Variants in SUGCT observed in about 807,000 individuals in gnomAD.
SUGCT encodes the protein succinyl-CoA:glutarate-CoA transferase, also known as succinyl-CoA:glutarate CoA-transferase.
A neutral mutation model predicts 55.0 loss-of-function variants in SUGCT; 41 were observed. The observed-to-expected ratio is 0.74, with a 90% CI of 0.58 to 0.97. The LOEUF (loss-of-function observed/expected upper bound fraction) is 0.97. Ranked by LOEUF, SUGCT falls within the 50% of genes least tolerant of loss-of-function variation. The pLI is 0.00. For synonymous variants in SUGCT, 187 were observed against 200.4 expected (o/e 0.93, Z 0.56); for missense variants, 568 against 547.8 (o/e 1.04, Z -0.37).
intron 3 of SUGCT, among the ~76,000 whole-genome samples, chr7:40,182,909 A>G (rs997554240): frequency 6.6e-6 from 1 of 152,124 alleles, no homozygotes; most frequent in African/African-American, 2.4e-5. Context: ...AGGCCAGGAG[A>G]AAGGAGGATA....
At chr7:40,811,961 GT>G (rs1172378239) in intron 13 of SUGCT, among the ~76,000 whole-genome samples, 1 of 152,028 alleles carries the variant, frequency 6.6e-6, no homozygotes, top group Non-Finnish European at 1.5e-5. Flanking sequence ...TTTCTTGAGG[GT>G]TTTTGTCATG....
chr7:40,962,954 T>G, the SUGCT span, among the ~76,000 whole-genome samples: 1 of 152,108 alleles, frequency 6.6e-6, no homozygotes, highest in Non-Finnish European at 1.5e-5. Context: ...TCCAGCTTCC[T>G]CCCCTTATAA....
At chr7:40,335,548 TTGTC>T (rs1485710717) in intron 9 of SUGCT, among the ~76,000 whole-genome samples, 2 of 152,098 alleles carry the variant, frequency 1.3e-5, no homozygotes, top group African/African-American at 2.4e-5. Flanking sequence ...GGCTCTCTGT[TTGTC>T]TGTTATTGGT....
chr7:40,669,875 A>T (rs1452136013), intron 12 of SUGCT, among the ~76,000 whole-genome samples: 1 of 152,034 alleles, frequency 6.6e-6, no homozygotes, highest in Non-Finnish European at 1.5e-5. Flanking sequence ...TGGAAAAAGT[A>T]CTAGAAAAAA....
intron 9 of SUGCT, among the ~76,000 whole-genome samples, chr7:40,339,523 A>C (rs757276736): frequency 9.9e-5 from 15 of 152,170 alleles, no homozygotes; most frequent in Non-Finnish European, 1.6e-4. Context: ...GTGAGGCTCC[A>C]TGGGCGTGGG....
At chr7:40,874,709 T>G in the SUGCT span, among the ~76,000 whole-genome samples, 1 of 152,186 alleles carries the variant, frequency 6.6e-6, no homozygotes, top group Non-Finnish European at 1.5e-5. Flanking sequence ...GCTGTTCAAC[T>G]GGGAATCCTA....
chr7:40,207,092 G>C (rs1045742138), intron 6 of SUGCT, among the ~76,000 whole-genome samples: 1 of 152,038 alleles, frequency 6.6e-6, no homozygotes, highest in Non-Finnish European at 1.5e-5. Flanking sequence ...CCATCTCCTT[G>C]GGAGGCTGAC....
intron 13 of SUGCT, among the ~76,000 whole-genome samples, chr7:40,752,531 T>C (rs752058570): frequency 5.9e-5 from 9 of 152,082 alleles, no homozygotes; most frequent in Non-Finnish European, 1.3e-4. Context: ...AATTTCTGTA[T>C]ATTTAGTAGA....
At chr7:40,513,972 A>G (rs1302643233) in intron 12 of SUGCT, among the ~76,000 whole-genome samples, 2 of 151,314 alleles carry the variant, frequency 1.3e-5, no homozygotes, top group Non-Finnish European at 1.5e-5. Flanking sequence ...TTGTATTTTT[A>G]GTGTAGACAG....
At chr7:40,145,893 A>T (rs944574085) in intron 1 of SUGCT, among the ~76,000 whole-genome samples, 9 of 152,106 alleles carry the variant, frequency 5.9e-5, no homozygotes, top group African/African-American at 1.4e-4. Flanking sequence ...TTTTTCCCTC[A>T]ATCACCTGGG....
intron 6 of SUGCT, among the ~76,000 whole-genome samples, chr7:40,216,580 A>C (rs1292858136): frequency 6.6e-6 from 1 of 151,244 alleles, no homozygotes; most frequent in East Asian, 2.0e-4. Flanking sequence ...GGCCGGACGC[A>C]GTAGCTCACA....
chr7:40,329,413 C>A (rs192164125), intron 9 of SUGCT, among the ~76,000 whole-genome samples: 34 of 152,188 alleles, frequency 2.2e-4, no homozygotes, highest in Admixed American at 2.0e-3. Flanking sequence ...GGACCCTGCC[C>A]AGACAGGAAA....
At chr7:40,702,446 C>T (rs989366706) in intron 12 of SUGCT, among the ~76,000 whole-genome samples, 5 of 152,158 alleles carry the variant, frequency 3.3e-5, no homozygotes, top group African/African-American at 1.2e-4. Context: ...CAAGTTAAAT[C>T]ATTATTCATT....
At chr7:40,536,181 C>CCA (rs1794351918) in intron 12 of SUGCT, among the ~76,000 whole-genome samples, 1 of 152,112 alleles carries the variant, frequency 6.6e-6, no homozygotes, top group South Asian at 2.1e-4. Flanking sequence ...TAATTAGACC[C>CCA]CACACATCAA....
the SUGCT span, among the ~76,000 whole-genome samples, chr7:40,892,428 C>A: frequency 6.6e-6 from 1 of 152,054 alleles, no homozygotes; most frequent in African/African-American, 2.4e-5. Context: ...CAAAAGAAGA[C>A]AGAAAGAGGG....
chr7:40,338,984 A>T (rs1234054878), intron 9 of SUGCT, among the ~76,000 whole-genome samples: 1 of 152,192 alleles, frequency 6.6e-6, no homozygotes, highest in Non-Finnish European at 1.5e-5. Context: ...CCTCAGCTGC[A>T]GGTCTGTTGG....
At chr7:40,406,977 T>G (rs1445056668) in intron 9 of SUGCT, among the ~76,000 whole-genome samples, 1 of 152,166 alleles carries the variant, frequency 6.6e-6, no homozygotes, top group Non-Finnish European at 1.5e-5. Context: ...GATGATAGTC[T>G]AGGTTCTTGG....
the SUGCT span, among the ~76,000 whole-genome samples, chr7:40,866,444 TTA>T: frequency 9.2e-5 from 14 of 151,536 alleles, no homozygotes; most frequent in Middle Eastern, 6.8e-3. Context: ...GGGAGGACAG[TTA>T]AAGAATCACT....
chr7:40,914,453 T>G, the SUGCT span, among the ~76,000 whole-genome samples: 1 of 152,112 alleles, frequency 6.6e-6, no homozygotes, highest in East Asian at 1.9e-4. Context: ...AGCCAGGTCT[T>G]CTCCTGGGCT....
Sources: allele counts gnomAD v4.1 joint callset (sites outside exome capture counted in the v4.1 genomes callset), GRCh38; gene constraint gnomAD v4.1.1; transcripts MANE v1.5; gene names NCBI Gene and HGNC (gene_info 2026-07-23, HGNC 2026-07-21).